Variants in DOCK11 observed in about 807,000 individuals in gnomAD.
The protein encoded by DOCK11 is dedicator of cytokinesis protein 11.
DOCK11 carries 70 observed loss-of-function variants against 169.1 expected under a neutral mutation model. That is an observed-to-expected ratio of 0.41 (90% CI 0.34 to 0.51). The LOEUF is 0.51. DOCK11 is among the 20% of genes least tolerant of loss of function. The pLI, the probability that DOCK11 is intolerant of heterozygous loss-of-function variation, is 0.10. For missense variants in DOCK11, 1,166 were observed against 1,538.8 expected, an observed-to-expected ratio of 0.76 and a Z score of 4.05; for synonymous variants, 529 against 541.3, an observed-to-expected ratio of 0.98 and a Z score of 0.32.
chrX:118,652,152 G>A (rs186042444), intron 42 of DOCK11, 75 bp downstream of exon 42: 1 of 648,585 alleles, frequency 1.5e-6, no homozygotes, highest in African/African-American at 2.2e-5. Flanking sequence ...AACTGTCATT[G>A]GATTCACAAC....
At chrX:118,515,474 C>T (rs1234136990) in intron 1 of DOCK11, among the ~76,000 whole-genome samples, 1 of 111,191 alleles carries the variant, frequency 9.0e-6, no homozygotes, top group Non-Finnish European at 1.9e-5. Flanking sequence ...CTCAGGTGAT[C>T]CGCCCGCCTT....
chrX:118,618,538 A>G lies in DOCK11; in HGVS notation c.3293-12A>G. On this transcript the variant is annotated splice_polypyrimidine_tract_variant and intron_variant, in intron 30 of 52. Transcript: ENST00000276202. Reference sequence around the variant, plus strand: ...TTTTCATAAATGGGTTTTAAATTTCATTGTACTGCAGATTCAAATCTTGAA... The same window carrying G: ...TTTTCATAAATGGGTTTTAAATTTCGTTGTACTGCAGATTCAAATCTTGAA... 1 of 1,160,454 alleles carries G rather than the reference A, an allele frequency of 8.6e-7. No individual in the cohort carries two copies. The highest frequency in any genetic ancestry group is 1.2e-6 in the Non-Finnish European group (1 of 868,044).
chrX:118,506,084 T>A lies in DOCK11; in HGVS notation c.102+10011T>A, dbSNP rs766789585. Among the ~76,000 whole-genome samples, 186 of 110,886 alleles carry A rather than the reference T, an allele frequency of 1.7e-3. 1 individual carries two copies. Among genetic ancestry groups the A allele is most frequent in the Non-Finnish European group, 3.0e-3 (161 of 52,862 alleles). On this transcript the variant is annotated intron_variant, in intron 1 of 52. Transcript: ENST00000276202. ...CCTGGGAGATACAGGGAGACCCCCA[T>A]CTTTACAAAATTAAAACAAAAATGA...
At chrX:118,496,131 G>A in intron 1 of DOCK11, 58 bp downstream of exon 1, 2 of 819,653 alleles carry the variant, frequency 2.4e-6, no homozygotes, top group Non-Finnish European at 3.1e-6. Context: ...GAGCGACGCG[G>A]GAAGGGGCAG....
chrX:118,527,631 G>A (rs765591193), intron 1 of DOCK11, among the ~76,000 whole-genome samples: 18 of 112,304 alleles, frequency 1.6e-4, no homozygotes, highest in East Asian at 8.3e-4. Flanking sequence ...GGTTTTCCAA[G>A]TGACTTATAT....
At chrX:118,660,277 G>C (rs1188937659) in intron 44 of DOCK11, among the ~76,000 whole-genome samples, 2 of 111,795 alleles carry the variant, frequency 1.8e-5, no homozygotes, top group Admixed American at 1.9e-4. Flanking sequence ...CAACTGACTT[G>C]TTCCTTTTAA....
chrX:118,578,623 T>C lies in DOCK11; in HGVS notation c.1488T>C (p.Tyr496=), dbSNP rs1276804660. The change falls in exon 13 of 53, where the codon TAT becomes TAC. Residue 496 remains tyrosine (Y), a synonymous_variant. Transcript: ENST00000276202. ...QGNITHCAEP[Y]IKNSDPVKTA... ...ACATTACACACTGTGCAGAACCCTA[T>C]ATCAAAAATTCTGATCCAGTAAAGG... 3 of 1,203,433 alleles carry C rather than the reference T, an allele frequency of 2.5e-6. No homozygotes were observed. The highest frequency in any genetic ancestry group is 3.4e-6 in the Non-Finnish European group (3 of 890,701).
intron 19 of DOCK11, 64 bp from the exon 20 acceptor site, chrX:118,593,150 C>G (rs2014053318): frequency 3.5e-6 from 4 of 1,130,506 alleles, no homozygotes; most frequent in Non-Finnish European, 4.7e-6. Flanking sequence ...TGAAACTGAA[C>G]TAATGTCTGA....
rs2012227749 is a variant in DOCK11 at position 118,545,321 on chromosome X, A to G, written c.393-2A>G. The G allele has an allele frequency of 8.5e-7, 1 of 1,181,605 alleles. No homozygotes were observed. Among genetic ancestry groups the G allele is most frequent in the Non-Finnish European group, 1.1e-6 (1 of 876,871 alleles). On this transcript the variant is annotated splice_acceptor_variant, in intron 4 of 52. Coordinates refer to ENST00000276202, the MANE Select transcript of DOCK11 (RefSeq NM_144658.4). LOFTEE classifies it high-confidence loss of function. Reference sequence around the variant, plus strand: ...TCTAAGACAGTTCTCTTATATTTGCAGTAAATCTTTGAGACCAGAAAAGAT... The same window carrying G: ...TCTAAGACAGTTCTCTTATATTTGCGGTAAATCTTTGAGACCAGAAAAGAT...
Position 118,638,133 on chromosome X carries a change from T to G in DOCK11, c.4001+6T>G. 1 of 1,203,417 alleles carries G rather than the reference T, an allele frequency of 8.3e-7. No individual in the cohort carries two copies. The highest frequency in any genetic ancestry group is 1.1e-6 in the Non-Finnish European group (1 of 889,036). On this transcript the variant is annotated splice_donor_region_variant and intron_variant, in intron 37 of 52. Coordinates refer to ENST00000276202, the MANE Select transcript of DOCK11 (RefSeq NM_144658.4). ...GGGAAAAGAAACATAGCAAGGTAAT[T>G]CCCATAGCACTGCAATTTCTACTTT...
intron 27 of DOCK11, among the ~76,000 whole-genome samples, 180 bp downstream of exon 27, chrX:118,609,529 A>G (rs2014625100): frequency 8.9e-6 from 1 of 112,452 alleles, no homozygotes; most frequent in Non-Finnish European, 1.9e-5. Context: ...TTACAAAACA[A>G]TGGATCTATT....
chrX:118,546,223 A>G, intron 6 of DOCK11, 107 bp downstream of exon 6: 1 of 411,095 alleles, frequency 2.4e-6, no homozygotes, highest in East Asian at 4.0e-5. Flanking sequence ...AAAAAAAAAA[A>G]AAAAAAAAGG....
At chrX:118,661,659 T>TA in intron 44 of DOCK11, among the ~76,000 whole-genome samples, 1 of 112,172 alleles carries the variant, frequency 8.9e-6, no homozygotes. Context: ...TTTCAATGGT[T>TA]ATGTTATAAA....
At position 118,561,261 on chromosome X, in the gene DOCK11, G is replaced by T. The variant is rs934473301; in HGVS notation, c.559-122G>T. On this transcript the variant is annotated intron_variant, in intron 6 of 52. Coordinates refer to ENST00000276202, the MANE Select transcript of DOCK11 (RefSeq NM_144658.4). ...TGATAATTCCTAACATCTTGTCAGGGTTGTCTGAAGATTGTCCAGGCACAA... is the reference window on the plus strand; with the variant it reads ...TGATAATTCCTAACATCTTGTCAGGTTTGTCTGAAGATTGTCCAGGCACAA... 1.2e-5 allele frequency: 7 copies of T among 587,438 alleles called. No individual in the cohort carries two copies. The Admixed American group carries it at 1.6e-4, about 13-fold the overall frequency. 48.4% of individuals were successfully genotyped at this position (587,438 alleles called of 1,213,427 possible). A position where few individuals can be genotyped will look rare whatever the true frequency, so the allele number is the denominator to read the frequency against.
At position 118,615,714 on chromosome X, in the gene DOCK11, A is replaced by G. The variant is rs750209238; in HGVS notation, c.3292+3A>G. 2 of 1,173,862 alleles carry G rather than the reference A, an allele frequency of 1.7e-6. No individual in the cohort carries two copies. The highest frequency in any genetic ancestry group is 2.2e-5 in the Admixed American group (1 of 45,029). The stretch of plus-strand genomic sequence containing the variant: ...ACCTAAACTGCAGCGGGTTCAAGGC[A>G]TGTATTTGCATTTTCCATCATTTGA... On this transcript the variant is annotated splice_donor_region_variant and intron_variant, in intron 30 of 52. Coordinates refer to ENST00000276202, the MANE Select transcript of DOCK11 (RefSeq NM_144658.4).
At chrX:118,593,476 A>G (rs1188106042) in intron 20 of DOCK11, 139 bp downstream of exon 20, 2 of 551,574 alleles carry the variant, frequency 3.6e-6, no homozygotes, top group East Asian at 4.3e-5. Flanking sequence ...CATGCTGCTG[A>G]TAAAGACGTA....
At chrX:118,656,283 A>AAATAAATAAATG (rs1363658759) in intron 44 of DOCK11, among the ~76,000 whole-genome samples, 1 of 110,752 alleles carries the variant, frequency 9.0e-6, no homozygotes, top group Non-Finnish European at 1.9e-5. Context: ...ATAAATAAAT[A>AAATAAATAAATG]AATAAATAAA....
chrX:118,508,878 TAAC>T (rs2057631549), intron 1 of DOCK11, among the ~76,000 whole-genome samples: 1 of 112,096 alleles, frequency 8.9e-6, no homozygotes. Context: ...AGTTCTGTAA[TAAC>T]AAACCCAGCT....
In DOCK11 at chrX:118,605,096, C is replaced by T. The variant is rs188754987; in HGVS notation, c.2563-142C>T. The T allele has an allele frequency of 7.7e-4, 305 of 397,160 alleles. 1 individual carries two copies. The East Asian group carries it at 0.012, about 16-fold the overall frequency. 32.7% of individuals were successfully genotyped at this position (397,160 alleles called of 1,213,427 possible). Reference sequence around the variant, plus strand: ...ATTAAGTAATTAACAAAAAAGCCCCCTATCCAATGGAAAGCTCACTTTTAA... The same window carrying T: ...ATTAAGTAATTAACAAAAAAGCCCCTTATCCAATGGAAAGCTCACTTTTAA... On this transcript the variant is annotated intron_variant, in intron 23 of 52. Transcript: ENST00000276202.
Sources: allele counts gnomAD v4.1 joint callset (sites outside exome capture counted in the v4.1 genomes callset), GRCh38; gene constraint gnomAD v4.1.1; transcripts MANE v1.5; gene names NCBI Gene and HGNC (gene_info 2026-07-23, HGNC 2026-07-21).